YBEY: variants seen among roughly 807,000 people sequenced by gnomAD.
YBEY encodes the protein endoribonuclease YbeY.
In YBEY, 15 loss-of-function variants were observed where a neutral mutation model predicts 13.5. The observed-to-expected ratio is 1.11, with a 90% CI of 0.75 to 1.72. The LOEUF is 1.72. Ranked by LOEUF, YBEY falls within the 40% of genes most tolerant of loss-of-function variation. YBEY has a pLI of 0.00. For missense variants in YBEY, 244 were observed against 208.4 expected (o/e 1.17, Z -1.05); for synonymous variants, 101 against 83.1 (o/e 1.21, Z -1.17).
At chr21:46,298,283 T>C (rs1333972834), downstream of YBEY, among the ~76,000 whole-genome samples, 2 of 152,128 alleles carry the variant, frequency 1.3e-5, no homozygotes, top group Admixed American at 6.6e-5. Flanking sequence ...CCTGGACTTG[T>C]CCCCTTGGGA....
At chr21:46,311,766 T>TCCAC in the YBEY span, 1 of 366,084 alleles carries the variant, frequency 2.7e-6, no homozygotes, top group South Asian at 5.4e-5. Context: ...CATCCACCCA[T>TCCAC]CCATCCACCC....
intron 2 of YBEY, among the ~76,000 whole-genome samples, chr21:46,287,350 C>T (rs986371901): frequency 1.3e-5 from 2 of 152,020 alleles, no homozygotes; most frequent in African/African-American, 4.8e-5. Context: ...CTGGCCACCA[C>T]GCCTGGCTAA....
At chr21:46,292,201 AG>A (rs1286423693) in intron 3 of YBEY, 1 of 152,310 alleles carries the variant, frequency 6.6e-6, no homozygotes, top group Non-Finnish European at 1.5e-5. Context: ...GACCATTCTT[AG>A]GTTGTACTAT....
chr21:46,304,755 T>G, the YBEY span, among the ~76,000 whole-genome samples: 1 of 152,096 alleles, frequency 6.6e-6, no homozygotes, highest in Non-Finnish European at 1.5e-5. Context: ...TGCGTTCCAT[T>G]AGAGGGCAAA....
chr21:46,297,789 G>A (rs968884946), downstream of YBEY: 12 of 1,227,052 alleles, frequency 9.8e-6, no homozygotes, highest in Admixed American at 4.7e-4. Flanking sequence ...TAAATAAAAC[G>A]GTTCCGAGCC....
At chr21:46,302,485 C>G (rs1361581877), downstream of YBEY, 10 of 1,606,010 alleles carry the variant, frequency 6.2e-6, no homozygotes, top group South Asian at 1.0e-4. Context: ...CTAAGCCTAC[C>G]TGCAGGGCTG....
the YBEY span, among the ~76,000 whole-genome samples, chr21:46,312,132 C>T: frequency 6.6e-6 from 1 of 152,152 alleles, no homozygotes; most frequent in Admixed American, 6.6e-5. Flanking sequence ...TTCATCCATC[C>T]AAGGAGAACT....
chr21:46,297,753 G>C, downstream of YBEY: 2 of 1,244,084 alleles, frequency 1.6e-6, no homozygotes, highest in South Asian at 3.9e-5. Context: ...TTTCCTTCAC[G>C]TTGCATCGGG....
At chr21:46,288,523 A>T (rs2081559776) in intron 2 of YBEY, among the ~76,000 whole-genome samples, 1 of 152,088 alleles carries the variant, frequency 6.6e-6, no homozygotes, top group South Asian at 2.1e-4. Flanking sequence ...TAAAAATACA[A>T]AAAAAGTTAG....
chr21:46,297,803 G>C, downstream of YBEY: 1 of 1,216,544 alleles, frequency 8.2e-7, no homozygotes, highest in Non-Finnish European at 1.0e-6. Context: ...CCGAGCCGTG[G>C]CATCGAGAGG....
At chr21:46,296,356 G>A (rs1217678291) in intron 4 of YBEY, 126 bp downstream of exon 4, 1 of 1,011,794 alleles carries the variant, frequency 9.9e-7, no homozygotes, top group Non-Finnish European at 1.5e-6. Context: ...ACCTGCCCTT[G>A]TAAAAATGAC....
chr21:46,312,238 C>T, the YBEY span, among the ~76,000 whole-genome samples: 1 of 152,188 alleles, frequency 6.6e-6, no homozygotes, highest in African/African-American at 2.4e-5. Flanking sequence ...ATGTTTCCCA[C>T]ATTTCCTGTC....
rs1374085669 is a variant in YBEY at position 46,287,115 on chromosome 21, T to C, written c.202T>C (p.Phe68Leu). The change falls in exon 2 of 5, where the codon TTT becomes CTT. Residue 68 changes from phenylalanine to leucine, a missense_variant. By Grantham distance (22) the Phe-to-Leu change is conservative. Transcript: ENST00000397701. ...NVPTDVLSFP[F>L]HEHLKAGEFP... ...CCCAACCGATGTGCTTTCTTTTCCATTTCATGAGGTAAAAAAAAAATGTTC... is the reference window on the plus strand; with the variant it reads ...CCCAACCGATGTGCTTTCTTTTCCACTTCATGAGGTAAAAAAAAAATGTTC... 1.3e-5 allele frequency: 20 copies of C among 1,575,670 alleles called. No individual in the cohort carries two copies. Among genetic ancestry groups the C allele is most frequent in the Non-Finnish European group, 1.6e-5 (19 of 1,162,680 alleles).
the YBEY span, among the ~76,000 whole-genome samples, chr21:46,308,591 G>T: frequency 6.6e-6 from 1 of 152,146 alleles, no homozygotes; most frequent in South Asian, 2.1e-4. Flanking sequence ...GGCCATAAGC[G>T]AAAACAAGAA....
At chr21:46,295,960 ACT>A (rs1349927563) in intron 3 of YBEY, among the ~76,000 whole-genome samples, 200 bp from the exon 4 acceptor site, 1 of 151,534 alleles carries the variant, frequency 6.6e-6, no homozygotes. Context: ...TTGACTAAAG[ACT>A]CTCAAAGGGG....
chr21:46,287,270 A>T (rs2081487122), intron 2 of YBEY, 147 bp downstream of exon 2: 1 of 756,728 alleles, frequency 1.3e-6, no homozygotes, highest in Non-Finnish European at 2.1e-6. Context: ...ATCTCGGCTC[A>T]CTGCAACCTC....
At position 46,291,527 on chromosome 21, in the gene YBEY, G is replaced by T; in HGVS notation, c.339+65G>T. On this transcript the variant is annotated intron_variant, in intron 3 of 4. Transcript: ENST00000397701. ...AACATGGGCCTTGCAAAGGGGTCAA[G>T]ATCACAACCCTGCATCCATGTGTGT... is the stretch of plus-strand genomic sequence containing the variant. 3.8e-6 allele frequency: 6 copies of T among 1,599,540 alleles called. No individual in the cohort carries two copies. The Admixed American group carries it at 8.7e-5, about 23-fold the overall frequency.
At chr21:46,287,901 AC>A (rs2081527042) in intron 2 of YBEY, among the ~76,000 whole-genome samples, 2 of 151,980 alleles carry the variant, frequency 1.3e-5, no homozygotes, top group Non-Finnish European at 2.9e-5. Context: ...AATCCTAGCT[AC>A]CTGGGAGGCT....
chr21:46,295,480 C>T (rs1470853765), intron 3 of YBEY, among the ~76,000 whole-genome samples: 1 of 152,040 alleles, frequency 6.6e-6, no homozygotes, highest in Non-Finnish European at 1.5e-5. Context: ...ACAGGCCCTC[C>T]CTCCTCTTCC....
Sources: allele counts gnomAD v4.1 joint callset (sites outside exome capture counted in the v4.1 genomes callset), GRCh38; gene constraint gnomAD v4.1.1; transcripts MANE v1.5; gene names NCBI Gene and HGNC (gene_info 2026-07-23, HGNC 2026-07-21).